Variants in FGF14 observed in about 807,000 individuals in gnomAD.
The protein encoded by FGF14 is fibroblast growth factor 14.
FGF14 carries 5 observed loss-of-function variants against 25.5 expected under a neutral mutation model. The ratio of observed to expected loss-of-function variants is 0.20; its 90% CI spans 0.10 to 0.41. The LOEUF (loss-of-function observed/expected upper bound fraction) is 0.41, where lower values mean the gene tolerates loss of function less well. FGF14 is among the 10% of genes least tolerant of loss of function. The pLI is 1.00. For synonymous variants in FGF14, 138 were observed against 118.3 expected (o/e 1.17, Z -1.08); for missense variants, 222 against 320.1 (o/e 0.69, Z 2.34).
chr13:101,983,659 T>A (rs574371968), intron 1 of FGF14, among the ~76,000 whole-genome samples: 6 of 152,164 alleles, frequency 3.9e-5, no homozygotes, highest in South Asian at 2.1e-4. Flanking sequence ...GAATACTTTA[T>A]GAAATGAAGA....
chr13:101,986,337 A>G (rs1164141794), intron 1 of FGF14, among the ~76,000 whole-genome samples: 2 of 152,262 alleles, frequency 1.3e-5, no homozygotes, highest in Admixed American at 6.5e-5. Context: ...CTTCCTGGCA[A>G]TATCTACTGA....
intron 1 of FGF14, among the ~76,000 whole-genome samples, chr13:102,069,147 A>C (rs140986668): frequency 6.6e-6 from 1 of 151,806 alleles, no homozygotes; most frequent in East Asian, 1.9e-4. Flanking sequence ...GTTCGTAAAC[A>C]CACCAATCAG....
chr13:102,139,525 A>G (rs749767372), intron 1 of FGF14, among the ~76,000 whole-genome samples: 9 of 152,204 alleles, frequency 5.9e-5, no homozygotes, highest in Non-Finnish European at 1.2e-4. Context: ...ATTATTATTA[A>G]TCCAAAGAAT....
intron 3 of FGF14, among the ~76,000 whole-genome samples, chr13:101,841,165 G>A (rs1222194144): frequency 1.3e-5 from 2 of 151,780 alleles, no homozygotes; most frequent in African/African-American, 2.4e-5. Context: ...AACTTAAGTG[G>A]CATATACAAT....
intron 1 of FGF14, among the ~76,000 whole-genome samples, chr13:102,006,398 G>A (rs1594965451): frequency 2.0e-5 from 3 of 152,156 alleles, no homozygotes; most frequent in Non-Finnish European, 2.9e-5. Context: ...CTTGGGATAA[G>A]CCAGCCAGTT....
intron 1 of FGF14, among the ~76,000 whole-genome samples, chr13:102,125,508 G>C (rs936842257): frequency 1.3e-5 from 2 of 152,072 alleles, no homozygotes; most frequent in African/African-American, 4.8e-5. Flanking sequence ...AATTAACATA[G>C]AAAGAAAATG....
chr13:102,202,078 G>A (rs549650927), intron 1 of FGF14, among the ~76,000 whole-genome samples: 1 of 152,146 alleles, frequency 6.6e-6, no homozygotes, highest in Non-Finnish European at 1.5e-5. Context: ...CCTGCCATGT[G>A]AAGTGCTGCC....
intron 1 of FGF14, among the ~76,000 whole-genome samples, chr13:102,025,769 G>T (rs1033949320): frequency 2.6e-5 from 4 of 151,964 alleles, no homozygotes; most frequent in African/African-American, 9.7e-5. Context: ...GATATTCTAA[G>T]TGCCATTTTC....
At chr13:101,762,266 A>G (rs534356481) in intron 3 of FGF14, among the ~76,000 whole-genome samples, 1 of 152,330 alleles carries the variant, frequency 6.6e-6, no homozygotes, top group East Asian at 1.9e-4. Flanking sequence ...ATATTTTGAA[A>G]TAGCAAGACA....
intron 1 of FGF14, among the ~76,000 whole-genome samples, chr13:102,132,852 C>A (rs941490682): frequency 6.6e-6 from 1 of 152,160 alleles, no homozygotes; most frequent in Non-Finnish European, 1.5e-5. Flanking sequence ...CTAAAGATAA[C>A]ATTACTTATC....
In FGF14 at chr13:101,741,477, T is replaced by C. The variant is rs559113077; in HGVS notation, c.409-14667A>G. Among the ~76,000 whole-genome samples the C allele has an allele frequency of 3.9e-4, 60 of 152,256 alleles. 1 individual carries two copies. Among genetic ancestry groups the C allele is most frequent in the Admixed American group, 3.6e-3 (55 of 15,290 alleles). ...TCCCAGTCAGTGAATCCATTAAACA[T>C]CAGTAAAAGACCAAAAAAACCCTGC... On this transcript the variant is annotated intron_variant, in intron 3 of 4. Transcript: ENST00000376143.
chr13:102,037,527 A>G (rs967236143), intron 1 of FGF14, among the ~76,000 whole-genome samples: 10 of 152,140 alleles, frequency 6.6e-5, no homozygotes, highest in African/African-American at 2.4e-4. Context: ...CCCTATATCC[A>G]TATTCCTAAC....
intron 1 of FGF14, among the ~76,000 whole-genome samples, chr13:102,236,468 C>T (rs2051332165): frequency 6.6e-6 from 1 of 152,096 alleles, no homozygotes; most frequent in Non-Finnish European, 1.5e-5. Flanking sequence ...GAACTCTCAC[C>T]GGACGCAAAC....
At chr13:101,953,114 G>A (rs2036279408) in intron 1 of FGF14, among the ~76,000 whole-genome samples, 1 of 152,070 alleles carries the variant, frequency 6.6e-6, no homozygotes, top group Admixed American at 6.5e-5. Context: ...GGCCAGAGTT[G>A]CTTTATTACT....
intron 1 of FGF14, among the ~76,000 whole-genome samples, chr13:102,283,374 A>G (rs2053941342): frequency 1.3e-5 from 2 of 152,192 alleles, no homozygotes; most frequent in African/African-American, 4.8e-5. Flanking sequence ...ATGGAGAAGA[A>G]TTTGTAGTCT....
At chr13:102,185,190 C>T (rs1238555068) in intron 1 of FGF14, among the ~76,000 whole-genome samples, 1 of 152,118 alleles carries the variant, frequency 6.6e-6, no homozygotes, top group Admixed American at 6.6e-5. Context: ...CATGCCTCAT[C>T]TTTAAGCTCA....
rs1566813199 is a variant in FGF14, at chr13:101,721,600, A to AT, written c.*1230dup. 1.3e-5 allele frequency: 2 copies of AT among 152,156 alleles called. No individual in the cohort carries two copies. The highest frequency in any genetic ancestry group is 6.5e-5 in the Admixed American group (1 of 15,270). 9.4% of individuals were successfully genotyped at this position (152,156 alleles called of 1,614,324 possible). A position where few individuals can be genotyped will look rare whatever the true frequency, so the allele number is the denominator to read the frequency against. On this transcript the variant is annotated 3_prime_UTR_variant, in exon 5 of 5. Transcript: ENST00000376143. ...CTCAGCATGCTGAGCTAAAAAAAAT[A>AT]TTTTTCCTAATATGTCCAGTTTAAA...
At chr13:101,727,800 T>G (rs1203418228) in intron 3 of FGF14, among the ~76,000 whole-genome samples, 1 of 152,070 alleles carries the variant, frequency 6.6e-6, no homozygotes, top group Non-Finnish European at 1.5e-5. Flanking sequence ...CCTAGCTAGT[T>G]TTAAATAGGT....
intron 1 of FGF14, among the ~76,000 whole-genome samples, chr13:102,304,301 T>C (rs1369453041): frequency 6.6e-6 from 1 of 152,124 alleles, no homozygotes; most frequent in Non-Finnish European, 1.5e-5. Flanking sequence ...TACTCTGTTT[T>C]GGAATTGTCT....
Sources: gnomAD v4.1 joint callset for allele counts (sites outside exome capture counted in the v4.1 genomes callset) on GRCh38, gnomAD v4.1.1 for gene constraint, MANE v1.5 for transcripts, NCBI Gene and HGNC (gene_info 2026-07-23, HGNC 2026-07-21) for gene names.